HMBOX1: variants seen among roughly 807,000 people sequenced by gnomAD.
HMBOX1 encodes homeobox-containing protein 1.
HMBOX1 carries 14 observed loss-of-function variants against 54.5 expected under a neutral mutation model. The ratio of observed to expected loss-of-function variants is 0.26; its 90% CI spans 0.17 to 0.40. The LOEUF is 0.40. HMBOX1 is among the 10% of genes least tolerant of loss of function. The pLI, the probability that HMBOX1 is intolerant of heterozygous loss-of-function variation, is 1.00. For missense variants in HMBOX1, 332 were observed against 514.4 expected (o/e 0.65, Z 3.43); for synonymous variants, 160 against 181.0 (o/e 0.88, Z 0.93).
intron 1 of HMBOX1, among the ~76,000 whole-genome samples, chr8:28,900,550 T>A (rs1039178221): frequency 4.6e-5 from 7 of 152,038 alleles, no homozygotes; most frequent in Non-Finnish European, 8.8e-5. Context: ...TCCTCTCTGA[T>A]TGCTTATGTC....
chr8:29,038,832 T>C (rs1447681002), intron 6 of HMBOX1, among the ~76,000 whole-genome samples: 1 of 152,180 alleles, frequency 6.6e-6, no homozygotes, highest in African/African-American at 2.4e-5. Context: ...AAATTACAGC[T>C]CCCAGTTGCC....
chr8:29,024,173 T>A (rs956372004), intron 6 of HMBOX1, among the ~76,000 whole-genome samples: 13 of 152,086 alleles, frequency 8.5e-5, no homozygotes, highest in Admixed American at 3.3e-4. Flanking sequence ...AACATGTAAG[T>A]AATTATGGAA....
chr8:29,040,943 T>G (rs1563634184), intron 6 of HMBOX1, among the ~76,000 whole-genome samples: 1 of 152,180 alleles, frequency 6.6e-6, no homozygotes, highest in Non-Finnish European at 1.5e-5. Context: ...CTTCCAGAGA[T>G]AGCATGGCTT....
At chr8:28,994,167 CA>C (rs35952321) in intron 4 of HMBOX1, among the ~76,000 whole-genome samples, 133 of 124,060 alleles carry the variant, frequency 1.1e-3, no homozygotes, top group Non-Finnish European at 1.1e-3. Context: ...ACTCTCTCAC[CA>C]AAAAAAAAAA....
intron 4 of HMBOX1, among the ~76,000 whole-genome samples, chr8:28,995,831 G>A (rs1178875135): frequency 6.6e-6 from 1 of 152,144 alleles, no homozygotes; most frequent in Non-Finnish European, 1.5e-5. Context: ...GGCTGGGCGC[G>A]GTGGCTCACG....
intron 1 of HMBOX1, among the ~76,000 whole-genome samples, chr8:28,948,890 G>GCTT (rs1292722847): frequency 6.6e-6 from 1 of 152,086 alleles, no homozygotes; most frequent in African/African-American, 2.4e-5. Flanking sequence ...AAAATAAGGA[G>GCTT]GAAGACATTA....
chr8:28,986,812 T>C (rs1830232620), intron 4 of HMBOX1, among the ~76,000 whole-genome samples: 1 of 152,170 alleles, frequency 6.6e-6, no homozygotes, highest in Non-Finnish European at 1.5e-5. Context: ...TATTCTTTAA[T>C]TTTTTGGAAA....
chr8:28,933,856 G>A (rs1025468619), intron 1 of HMBOX1, among the ~76,000 whole-genome samples: 5 of 152,146 alleles, frequency 3.3e-5, no homozygotes, highest in African/African-American at 1.2e-4. Context: ...AAACTGCATG[G>A]CTTAATGGTG....
Position 28,928,708 on chromosome 8 carries a change from C to T in HMBOX1, c.-57-35103C>T, listed in dbSNP as rs140381357. 1.0e-3 allele frequency among the ~76,000 whole-genome samples: 157 copies of T among 152,278 alleles called. 2 individuals are homozygous for T. The East Asian group carries it at 0.028, about 28-fold the overall frequency. On this transcript the variant is annotated intron_variant, in intron 1 of 9. Transcript: ENST00000287701. The stretch of plus-strand genomic sequence containing the variant: ...TTAGAAAACAAGGATATTGTTGCAT[C>T]AAAGAGAAAATAAGGATAACTTTCT...
intron 5 of HMBOX1, among the ~76,000 whole-genome samples, chr8:29,016,565 G>C (rs1265854838): frequency 6.6e-6 from 1 of 152,204 alleles, no homozygotes; most frequent in Non-Finnish European, 1.5e-5. Flanking sequence ...AGTTTTCATA[G>C]ATCAGGAATC....
intron 1 of HMBOX1, among the ~76,000 whole-genome samples, chr8:28,957,070 A>G (rs563001821): frequency 6.6e-6 from 1 of 152,182 alleles, no homozygotes; most frequent in Non-Finnish European, 1.5e-5. Context: ...GAGGGTATAA[A>G]CCCAAAGGAA....
intron 1 of HMBOX1, chr8:28,955,945 T>A (rs1174108376): frequency 9.2e-6 from 1 of 108,488 alleles, no homozygotes; most frequent in Non-Finnish European, 1.9e-5. Context: ...AGAGTGAGAC[T>A]CTGTCTAGGA....
chr8:28,934,436 A>G (rs542583011), intron 1 of HMBOX1, among the ~76,000 whole-genome samples: 1 of 152,336 alleles, frequency 6.6e-6, no homozygotes, highest in African/African-American at 2.4e-5. Context: ...TACTACTGCT[A>G]TTCATAATAT....
intron 4 of HMBOX1, among the ~76,000 whole-genome samples, chr8:28,994,649 C>G (rs1284410371): frequency 1.3e-5 from 2 of 152,018 alleles, no homozygotes; most frequent in Non-Finnish European, 2.9e-5. Flanking sequence ...AAGCATATAT[C>G]CAGTAAAAGA....
rs1806516019 is a variant in HMBOX1 at position 29,052,322 on chromosome 8, C to T, written c.*1167C>T. 1 of 152,204 alleles carries T rather than the reference C, an allele frequency of 6.6e-6. No homozygotes were observed. The allele number at this position is 152,204 out of a possible 1,614,324, so 9.4% of individuals were successfully genotyped here. ...GCTGTATGAGAACACGATGGGACTGCTTTGCTGTTCTCTTTACTCTGTCCT... is the reference window on the plus strand; with the variant it reads ...GCTGTATGAGAACACGATGGGACTGTTTTGCTGTTCTCTTTACTCTGTCCT... On this transcript the variant is annotated 3_prime_UTR_variant, in exon 10 of 10. Coordinates refer to ENST00000287701, the MANE Select transcript of HMBOX1 (RefSeq NM_001135726.3).
intron 6 of HMBOX1, among the ~76,000 whole-genome samples, chr8:29,030,879 C>G (rs565686147): frequency 6.6e-6 from 1 of 152,250 alleles, no homozygotes; most frequent in East Asian, 1.9e-4. Flanking sequence ...TTGTGGTTCC[C>G]TCAGTTTTTA....
intron 4 of HMBOX1, among the ~76,000 whole-genome samples, chr8:29,002,222 G>T (rs868312223): frequency 6.6e-6 from 1 of 152,186 alleles, no homozygotes; most frequent in Non-Finnish European, 1.5e-5. Flanking sequence ...TCTCTGTCAC[G>T]TGGATCTCTC....
chr8:28,897,493 G>C (rs1365456799), intron 1 of HMBOX1, among the ~76,000 whole-genome samples: 2 of 152,084 alleles, frequency 1.3e-5, no homozygotes, highest in Non-Finnish European at 1.5e-5. Context: ...TGACCAACAT[G>C]GTGAAACTTT....
At chr8:28,913,312 A>G (rs1008338647) in intron 1 of HMBOX1, among the ~76,000 whole-genome samples, 2 of 152,138 alleles carry the variant, frequency 1.3e-5, no homozygotes, top group Non-Finnish European at 2.9e-5. Context: ...CATTATTACT[A>G]CTTTTCTTTT....
Sources: gnomAD v4.1 joint callset for allele counts (sites outside exome capture counted in the v4.1 genomes callset) on GRCh38, gnomAD v4.1.1 for gene constraint, MANE v1.5 for transcripts, NCBI Gene and HGNC (gene_info 2026-07-23, HGNC 2026-07-21) for gene names.